The following SRGAP3 variants were observed in gnomAD, a reference collection of about 807,000 sequenced individuals.
SRGAP3 encodes the protein SLIT-ROBO Rho GTPase activating protein 3.
SRGAP3 carries 39 observed loss-of-function variants against 121.1 expected under a neutral mutation model. The ratio of observed to expected loss-of-function variants is 0.32; its 90% CI spans 0.25 to 0.42. The LOEUF (loss-of-function observed/expected upper bound fraction) is 0.42. Ranked by LOEUF, SRGAP3 falls within the 10% of genes least tolerant of loss-of-function variation. The pLI, the probability that SRGAP3 is intolerant of heterozygous loss-of-function variation, is 1.00. For synonymous variants in SRGAP3, 601 were observed against 570.0 expected, an observed-to-expected ratio of 1.05 and a Z score of -0.77; for missense variants, 1,213 against 1,470.6, an observed-to-expected ratio of 0.82 and a Z score of 2.86.
chr3:9,330,031 A>G (rs971933336), intron 2 of SRGAP3, among the ~76,000 whole-genome samples: 3 of 152,200 alleles, frequency 2.0e-5, no homozygotes, highest in Non-Finnish European at 2.9e-5. Flanking sequence ...TGCCATTTCT[A>G]TAAGACTTCG....
upstream of SRGAP3, among the ~76,000 whole-genome samples, chr3:9,252,031 C>T (rs1027874528): frequency 7.2e-5 from 11 of 152,106 alleles, no homozygotes; most frequent in African/African-American, 2.4e-4. Flanking sequence ...TGTTCTTCAA[C>T]GTTGGAGGTG....
chr3:9,206,052 G>A (rs1574866659), intron 1 of SRGAP3, among the ~76,000 whole-genome samples: 2 of 152,252 alleles, frequency 1.3e-5, no homozygotes, highest in East Asian at 3.9e-4. Context: ...GAATAGTGGT[G>A]ACGGTTGCAT....
intron 3 of SRGAP3, among the ~76,000 whole-genome samples, chr3:9,290,387 T>C (rs1954851286): frequency 6.6e-6 from 1 of 152,132 alleles, no homozygotes; most frequent in Non-Finnish European, 1.5e-5. Flanking sequence ...CTGATGTTGT[T>C]TGGTTACATA....
intron 1 of SRGAP3, among the ~76,000 whole-genome samples, chr3:9,195,294 G>C (rs562566056): frequency 2.0e-5 from 3 of 152,326 alleles, no homozygotes; most frequent in African/African-American, 7.2e-5. Flanking sequence ...AACTTTACAT[G>C]ATTTAATTGT....
chr3:9,115,052 C>T (rs1948756236), intron 2 of SRGAP3, among the ~76,000 whole-genome samples: 1 of 152,202 alleles, frequency 6.6e-6, no homozygotes, highest in African/African-American at 2.4e-5. Context: ...GGCAGACTAG[C>T]ATTCCAATCT....
At chr3:9,105,696 T>C (rs1235288339) in intron 2 of SRGAP3, among the ~76,000 whole-genome samples, 1 of 152,140 alleles carries the variant, frequency 6.6e-6, no homozygotes, top group Non-Finnish European at 1.5e-5. Flanking sequence ...CCACAGATCC[T>C]TATACTATTG....
chr3:9,348,073 T>C (rs1334570366), intron 1 of SRGAP3, among the ~76,000 whole-genome samples: 3 of 152,224 alleles, frequency 2.0e-5, no homozygotes, highest in South Asian at 2.1e-4. Flanking sequence ...TTTTCAATCA[T>C]CTAGGCTCCT....
rs766605268 is a variant in SRGAP3 at position 9,124,934 on chromosome 3, G to T, written c.68-17C>A. On this transcript the variant is annotated splice_polypyrimidine_tract_variant and intron_variant, in intron 1 of 21. Coordinates refer to ENST00000383836, the MANE Select transcript of SRGAP3 (RefSeq NM_014850.4). ...TGCGGATCTCTGCGGGCACACAAGG[G>T]TAGGAGCATGAGACTGGTGGTGGGG... The T allele has an allele frequency of 6.2e-7, 1 of 1,613,716 alleles. No homozygotes were observed. The highest frequency in any genetic ancestry group is 8.5e-7 in the Non-Finnish European group (1 of 1,180,028).
At position 9,124,865 on chromosome 3, in the gene SRGAP3, C is replaced by A; in HGVS notation, c.120G>T (p.Glu40Asp). The change falls in exon 2 of 22, where the codon GAG becomes GAT. Residue 40 changes from glutamate (E) to aspartate (D), a missense_variant. Around this residue, in one of 2 missense-constraint regions of SRGAP3, gnomAD observed 793 missense variants for 1,032.9 expected, o/e 0.77. Transcript: ENST00000383836. ...EQFKCLEQQS[E>D]SRLQLLQDLQ... ...GGTCTTGAAGCAGCTGCAGTCGCGA[C>A]TCTGATTGCTGCTCCAGACATTTGA... The A allele has an allele frequency of 6.2e-7, 1 of 1,614,242 alleles. No individual in the cohort carries two copies. The highest frequency in any genetic ancestry group is 8.5e-7 in the Non-Finnish European group (1 of 1,180,046).
intron 1 of SRGAP3, among the ~76,000 whole-genome samples, chr3:9,136,453 G>T (rs1253129267): frequency 6.6e-6 from 1 of 151,646 alleles, no homozygotes. Context: ...CAGCCGGGGT[G>T]GCTGAAAGCG....
Position 8,985,429 on chromosome 3 carries a change from G to T in SRGAP3, c.*90C>A. On this transcript the variant is annotated 3_prime_UTR_variant, in exon 22 of 22. Transcript: ENST00000383836. This position sits in a 1 kb window ranked among gnomAD's most constrained non-coding sequence, Gnocchi z 5.1. The stretch of plus-strand genomic sequence containing the variant: ...GACGGACCTCTGCCCTCCAAGGCCA[G>T]GGTCACTGGGAAGCACGTGGAAGCC... 6.4e-7 allele frequency: 1 copy of T among 1,573,050 alleles called. No individual in the cohort carries two copies. The highest frequency in any genetic ancestry group is 2.3e-5 in the East Asian group (1 of 44,170).
At chr3:9,093,035 A>C (rs1040301617) in intron 3 of SRGAP3, among the ~76,000 whole-genome samples, 4 of 152,134 alleles carry the variant, frequency 2.6e-5, no homozygotes, top group South Asian at 2.1e-4. Context: ...GAGAGCCTGC[A>C]TGCATGTCAT....
rs1947329947 is a variant in SRGAP3 at position 9,083,499 on chromosome 3, C to T, written c.424-3412G>A. The stretch of plus-strand genomic sequence containing the variant: ...TGGGAGCATATCATACACACCTTTG[C>T]ATCTTTTCACTTAACGATATCTCTG... On this transcript the variant is annotated intron_variant, in intron 3 of 21. Transcript: ENST00000383836. Among the ~76,000 whole-genome samples the T allele has an allele frequency of 2.0e-5, 3 of 152,346 alleles. No homozygotes were observed. The South Asian group carries it at 6.2e-4, about 32-fold the overall frequency.
intron 18 of SRGAP3, among the ~76,000 whole-genome samples, chr3:8,996,921 TC>T (rs1449100801): frequency 6.6e-6 from 1 of 152,214 alleles, no homozygotes; most frequent in Non-Finnish European, 1.5e-5. Context: ...GCCTCCGGTT[TC>T]TGCCTTTACC....
intron 20 of SRGAP3, among the ~76,000 whole-genome samples, chr3:8,992,332 T>C (rs973586221): frequency 2.0e-5 from 3 of 152,220 alleles, no homozygotes; most frequent in Non-Finnish European, 4.4e-5. Context: ...CTTTGGATTA[T>C]ACCTGTTCTC....
intron 10 of SRGAP3, among the ~76,000 whole-genome samples, chr3:9,039,017 T>A (rs950698204): frequency 6.6e-6 from 1 of 152,084 alleles, no homozygotes; most frequent in African/African-American, 2.4e-5. Flanking sequence ...TCCCCTGCTA[T>A]TCCCTCCTCA....
At chr3:9,320,685 G>C (rs1955425284) in intron 3 of SRGAP3, among the ~76,000 whole-genome samples, 1 of 151,770 alleles carries the variant, frequency 6.6e-6, no homozygotes, top group Non-Finnish European at 1.5e-5. Context: ...TTATAGCAGT[G>C]CAAGAACAGA....
At chr3:9,208,054 C>G (rs973873872) in intron 1 of SRGAP3, among the ~76,000 whole-genome samples, 5 of 152,150 alleles carry the variant, frequency 3.3e-5, no homozygotes, top group Non-Finnish European at 7.4e-5. Flanking sequence ...CCTATCCAGA[C>G]AGTGAGTCCT....
At chr3:9,309,144 T>C (rs1003553594) in intron 3 of SRGAP3, among the ~76,000 whole-genome samples, 1 of 152,156 alleles carries the variant, frequency 6.6e-6, no homozygotes, top group African/African-American at 2.4e-5. Flanking sequence ...GCAAGACAAC[T>C]GAATGATGAG....
Sources: allele counts gnomAD v4.1 joint callset (sites outside exome capture counted in the v4.1 genomes callset), GRCh38; gene constraint gnomAD v4.1.1; regional missense constraint gnomAD v4.1.1; non-coding constraint Gnocchi (gnomAD v3.1); transcripts MANE v1.5; gene names NCBI Gene and HGNC (gene_info 2026-07-23, HGNC 2026-07-21).